The following ITFG1 variants were observed in gnomAD, a reference collection of about 807,000 sequenced individuals.
The protein encoded by ITFG1 is integrin alpha FG-GAP repeat containing 1, also known as T-cell immunomodulatory protein.
In ITFG1, 34 loss-of-function variants were observed where a neutral mutation model predicts 81.8. That is an observed-to-expected ratio of 0.42 (90% CI 0.32 to 0.55). The LOEUF is 0.55. Ranked by LOEUF, ITFG1 falls within the 20% of genes least tolerant of loss-of-function variation. The pLI is 0.17. For synonymous variants in ITFG1, 285 were observed against 270.6 expected (o/e 1.05, Z -0.52); for missense variants, 672 against 755.4 (o/e 0.89, Z 1.29).
At chr16:47,318,388 T>C (rs895757918) in intron 8 of ITFG1, among the ~76,000 whole-genome samples, 9 of 152,222 alleles carry the variant, frequency 5.9e-5, no homozygotes, top group African/African-American at 2.2e-4. Context: ...TGATTCTCTA[T>C]TGATATGCAA....
chr16:47,258,655 T>C lies in ITFG1; in HGVS notation c.1307A>G (p.Asp436Gly). 6.7e-7 allele frequency: 1 copy of C among 1,488,360 alleles called. No individual in the cohort carries two copies. The highest frequency in any genetic ancestry group is 9.3e-7 in the Non-Finnish European group (1 of 1,076,212). The allele number at this position is 1,488,360 out of a possible 1,614,324, so 92.2% of individuals were successfully genotyped here. ...ACCAATAACTTTAACAAAATAAGCA[T>C]CTGCTTCAAAGTTATTTTTTAGTGT... ...IHTLKNNFEA[D>G]AYFVKVIVLS... Residue 436 changes from aspartate to glycine, a missense_variant, in exon 12 of 18, where the codon GAT becomes GGT. This residue lies in a region of ITFG1 where 560 missense variants were observed against 625.7 expected (regional missense o/e 0.90). Transcript: ENST00000320640.
chr16:47,398,255 T>C (rs916692344), intron 6 of ITFG1, among the ~76,000 whole-genome samples: 1 of 151,524 alleles, frequency 6.6e-6, no homozygotes, highest in African/African-American at 2.4e-5. Flanking sequence ...CAGGCGCTGA[T>C]GAAGAAAAGA....
intron 6 of ITFG1, among the ~76,000 whole-genome samples, chr16:47,409,858 C>T (rs987042207): frequency 6.6e-6 from 1 of 151,670 alleles, no homozygotes; most frequent in African/African-American, 2.4e-5. Context: ...CCAAAAAAAA[C>T]CTGTTATGCA....
intron 8 of ITFG1, among the ~76,000 whole-genome samples, chr16:47,343,916 C>A (rs1967817242): frequency 6.6e-6 from 1 of 152,108 alleles, no homozygotes; most frequent in Admixed American, 6.6e-5. Context: ...GTAAAAACAA[C>A]TCGTGAGTTC....
chr16:47,452,845 A>G (rs1969406641), intron 3 of ITFG1, 55 bp from the exon 4 acceptor site: 2 of 904,334 alleles, frequency 2.2e-6, no homozygotes, highest in Non-Finnish European at 3.3e-6. Context: ...ATTACTTTTG[A>G]TATCTATGCT....
chr16:47,237,865 T>C (rs1596826499), intron 13 of ITFG1, 100 bp downstream of exon 13: 2 of 632,858 alleles, frequency 3.2e-6, no homozygotes, highest in Middle Eastern at 4.2e-4. Context: ...CACTGCCAGA[T>C]AATAATGATA....
intron 8 of ITFG1, among the ~76,000 whole-genome samples, chr16:47,350,753 C>A (rs1400084939): frequency 6.6e-6 from 1 of 152,018 alleles, no homozygotes; most frequent in African/African-American, 2.4e-5. Flanking sequence ...CGGGCAGAGC[C>A]ACAACAAAAA....
chr16:47,336,273 C>T (rs971145556), intron 8 of ITFG1, among the ~76,000 whole-genome samples: 18 of 152,280 alleles, frequency 1.2e-4, no homozygotes, highest in African/African-American at 3.6e-4. Context: ...GGAAAACGGT[C>T]AAAGGTTGAC....
At chr16:47,263,223 C>T (rs545027365) in intron 10 of ITFG1, 1 of 347,086 alleles carries the variant, frequency 2.9e-6, no homozygotes, top group African/African-American at 2.2e-5. Flanking sequence ...TACATGGACA[C>T]TGAAGGGAAT....
intron 7 of ITFG1, 108 bp from the exon 8 acceptor site, chr16:47,365,977 T>C: frequency 3.3e-6 from 2 of 614,426 alleles, no homozygotes; most frequent in African/African-American, 1.8e-5. Flanking sequence ...TTCAGTATTT[T>C]GTTGTATTGC....
chr16:47,198,832 A>T (rs1472475576), intron 14 of ITFG1, among the ~76,000 whole-genome samples: 4 of 152,210 alleles, frequency 2.6e-5, no homozygotes, highest in South Asian at 2.1e-4. Flanking sequence ...ATTAAAAAAA[A>T]TTTTTGTACA....
intron 14 of ITFG1, among the ~76,000 whole-genome samples, chr16:47,183,318 C>A (rs1965158983): frequency 2.0e-5 from 3 of 151,672 alleles, no homozygotes; most frequent in Admixed American, 6.6e-5. Flanking sequence ...GGCTCCACCT[C>A]TGGGGGCAGG....
chr16:47,245,963 CA>C (rs1276983435), intron 12 of ITFG1, among the ~76,000 whole-genome samples: 2 of 152,054 alleles, frequency 1.3e-5, no homozygotes, highest in Non-Finnish European at 2.9e-5. Context: ...GAAACTAACT[CA>C]TTTAAGGAAC....
intron 10 of ITFG1, among the ~76,000 whole-genome samples, chr16:47,272,473 G>A (rs982814713): frequency 4.6e-5 from 7 of 151,622 alleles, no homozygotes; most frequent in Admixed American, 6.6e-5. Flanking sequence ...TCGGTTCACC[G>A]CAATCTCTGC....
rs570473396 is a variant in ITFG1, at chr16:47,443,303, G to C, written c.560+8093C>G. Among the ~76,000 whole-genome samples the C allele has an allele frequency of 9.1e-4, 139 of 152,234 alleles. 2 individuals carry two copies. Among genetic ancestry groups the C allele is most frequent in the South Asian group, 3.3e-3 (16 of 4,824 alleles). On this transcript the variant is annotated intron_variant, in intron 5 of 17. Coordinates refer to ENST00000320640, the MANE Select transcript of ITFG1 (RefSeq NM_030790.5). Reference sequence around the variant, plus strand: ...GAACACTTTTACACTGTTGGTGGGAGTGTAAACTAGTTCAACCATTGTGGA... The same window carrying C: ...GAACACTTTTACACTGTTGGTGGGACTGTAAACTAGTTCAACCATTGTGGA...
intron 14 of ITFG1, among the ~76,000 whole-genome samples, chr16:47,194,335 A>G (rs1965329971): frequency 6.6e-6 from 1 of 152,192 alleles, no homozygotes; most frequent in Admixed American, 6.6e-5. Context: ...AGTTCTTGAT[A>G]ATGGTAACCT....
In ITFG1 at chr16:47,213,046, T is replaced by C. The variant is rs768658243; in HGVS notation, c.1453+5822A>G. On this transcript the variant is annotated intron_variant, in intron 14 of 17. Transcript: ENST00000320640. The stretch of plus-strand genomic sequence containing the variant: ...TATTATACACATGCATTGTTATAAT[T>C]TTCCTCTCAGCACTGCTTTGGCTGT... 4.7e-4 allele frequency among the ~76,000 whole-genome samples: 72 copies of C among 152,336 alleles called. 1 individual carries two copies. The highest frequency in any genetic ancestry group is 3.4e-3 in the Middle Eastern group (1 of 294).
At chr16:47,341,245 C>A (rs1188135244) in intron 8 of ITFG1, among the ~76,000 whole-genome samples, 1 of 147,830 alleles carries the variant, frequency 6.8e-6, no homozygotes, top group Non-Finnish European at 1.5e-5. Context: ...AAAGCAAGAC[C>A]CCATCTGTAA....
intron 8 of ITFG1, among the ~76,000 whole-genome samples, chr16:47,330,384 A>T (rs1240473062): frequency 6.6e-6 from 1 of 152,084 alleles, no homozygotes; most frequent in Non-Finnish European, 1.5e-5. Context: ...TGTCCCTAGG[A>T]AAAGAATTTA....
Sources: allele counts gnomAD v4.1 joint callset (sites outside exome capture counted in the v4.1 genomes callset), GRCh38; gene constraint gnomAD v4.1.1; regional missense constraint gnomAD v4.1.1; transcripts MANE v1.5; gene names NCBI Gene and HGNC (gene_info 2026-07-23, HGNC 2026-07-21).